CSNK2A2IP: variants seen among roughly 807,000 people sequenced by gnomAD.
The protein encoded by CSNK2A2IP is casein kinase II subunit alpha'-interacting protein.
At chr3:88,341,809 A>G in the CSNK2A2IP span, among the ~76,000 whole-genome samples, 18 of 152,010 alleles carry the variant, frequency 1.2e-4, no homozygotes, top group Non-Finnish European at 2.1e-4. Context: ...CTGAAAAGTA[A>G]CTAGTTGAGA....
chr3:88,361,401 A>AT, the CSNK2A2IP span, among the ~76,000 whole-genome samples: 6 of 152,022 alleles, frequency 3.9e-5, no homozygotes, highest in South Asian at 2.1e-4. Flanking sequence ...GGGTTGGAAG[A>AT]TTTTTTTCCT....
the CSNK2A2IP span, among the ~76,000 whole-genome samples, chr3:88,427,459 C>A: frequency 6.6e-6 from 1 of 152,184 alleles, no homozygotes; most frequent in Non-Finnish European, 1.5e-5. Flanking sequence ...GTCATCAGGA[C>A]AAGGGGGAAA....
chr3:88,361,790 T>G, the CSNK2A2IP span, among the ~76,000 whole-genome samples: 1 of 152,082 alleles, frequency 6.6e-6, no homozygotes, highest in Non-Finnish European at 1.5e-5. Flanking sequence ...TAAGTATATT[T>G]CATTTTTCTT....
the CSNK2A2IP span, among the ~76,000 whole-genome samples, chr3:88,448,934 T>C: frequency 6.6e-6 from 1 of 152,194 alleles, no homozygotes; most frequent in Non-Finnish European, 1.5e-5. Context: ...TTTGCAATAG[T>C]GGTCTTTCTC....
At chr3:88,436,862 C>T in the CSNK2A2IP span, among the ~76,000 whole-genome samples, 1 of 151,994 alleles carries the variant, frequency 6.6e-6, no homozygotes, top group Non-Finnish European at 1.5e-5. Context: ...GATCAGCTTC[C>T]TAAAATGGCC....
chr3:88,356,043 G>A, the CSNK2A2IP span, among the ~76,000 whole-genome samples: 3 of 151,960 alleles, frequency 2.0e-5, no homozygotes, highest in African/African-American at 7.2e-5. Context: ...ATCAAATAAA[G>A]GTTATTGGGA....
chr3:88,344,653 G>C, the CSNK2A2IP span, among the ~76,000 whole-genome samples: 4 of 151,858 alleles, frequency 2.6e-5, no homozygotes, highest in African/African-American at 9.7e-5. Flanking sequence ...ATTTAAATTT[G>C]CTGTCTCCCA....
At chr3:88,350,114 G>A in the CSNK2A2IP span, among the ~76,000 whole-genome samples, 2 of 151,798 alleles carry the variant, frequency 1.3e-5, no homozygotes, top group Non-Finnish European at 2.9e-5. Flanking sequence ...CCTTTTCTAG[G>A]CAGAATTGTT....
the CSNK2A2IP span, among the ~76,000 whole-genome samples, chr3:88,400,419 G>T: frequency 6.6e-6 from 1 of 152,038 alleles, no homozygotes; most frequent in East Asian, 1.9e-4. Flanking sequence ...GCCCGCAAAG[G>T]TTTCCATGTG....
the CSNK2A2IP span, among the ~76,000 whole-genome samples, chr3:88,379,529 G>C: frequency 1.3e-5 from 2 of 152,028 alleles, no homozygotes; most frequent in Non-Finnish European, 2.9e-5. Flanking sequence ...CTTTCAAGCT[G>C]ACAGATAAAA....
At chr3:88,370,235 A>G in the CSNK2A2IP span, among the ~76,000 whole-genome samples, 1 of 151,968 alleles carries the variant, frequency 6.6e-6, no homozygotes, top group Non-Finnish European at 1.5e-5. Flanking sequence ...TACAGGTGCC[A>G]TAGTAAACTA....
At chr3:88,445,405 T>C in the CSNK2A2IP span, among the ~76,000 whole-genome samples, 2 of 151,088 alleles carry the variant, frequency 1.3e-5, no homozygotes, top group African/African-American at 2.4e-5. Context: ...ATCAAATCAC[T>C]GCACTCTAGC....
At chr3:88,465,863 G>A in the CSNK2A2IP span, 3 of 1,231,544 alleles carry the variant, frequency 2.4e-6, no homozygotes, top group African/African-American at 4.7e-5. Flanking sequence ...GTTTGCTGGA[G>A]ATCACTTTCA....
At chr3:88,359,789 G>A in the CSNK2A2IP span, among the ~76,000 whole-genome samples, 3 of 152,052 alleles carry the variant, frequency 2.0e-5, no homozygotes, top group Admixed American at 6.6e-5. Flanking sequence ...CTATCTTAAG[G>A]TATGTCCTTG....
the CSNK2A2IP span, among the ~76,000 whole-genome samples, chr3:88,387,958 CT>C: frequency 6.6e-6 from 1 of 151,936 alleles, no homozygotes; most frequent in African/African-American, 2.4e-5. Context: ...AACTCTTGGC[CT>C]CAAATGATCC....
At chr3:88,407,299 A>AG in the CSNK2A2IP span, among the ~76,000 whole-genome samples, 2 of 151,574 alleles carry the variant, frequency 1.3e-5, no homozygotes, top group South Asian at 2.1e-4. Context: ...GTCCAAAAAA[A>AG]AAAAAAAAAA....
At chr3:88,342,385 C>T in the CSNK2A2IP span, among the ~76,000 whole-genome samples, 1 of 151,936 alleles carries the variant, frequency 6.6e-6, no homozygotes, top group Non-Finnish European at 1.5e-5. Flanking sequence ...CTGTTTGAAC[C>T]ATGTTCAAAT....
the CSNK2A2IP span, among the ~76,000 whole-genome samples, chr3:88,363,636 G>T: frequency 1.3e-5 from 2 of 152,090 alleles, no homozygotes. Flanking sequence ...CTTTCTGAGT[G>T]CTAGATATGT....
the CSNK2A2IP span, among the ~76,000 whole-genome samples, chr3:88,463,202 T>G: frequency 6.6e-6 from 1 of 151,734 alleles, no homozygotes; most frequent in Non-Finnish European, 1.5e-5. Context: ...TTCCAGGGCC[T>G]CAGGCCAACG....
Sources: gnomAD v4.1 joint callset for allele counts (sites outside exome capture counted in the v4.1 genomes callset) on GRCh38, gnomAD v4.1.1 for gene constraint, MANE v1.5 for transcripts, NCBI Gene and HGNC (gene_info 2026-07-23, HGNC 2026-07-21) for gene names.